GALM: variants seen among roughly 807,000 people sequenced by gnomAD.
GALM encodes galactose mutarotase, also known as aldose 1-epimerase.
A neutral mutation model predicts 37.4 loss-of-function variants in GALM; 43 were observed. The ratio of observed to expected loss-of-function variants is 1.15; its 90% CI spans 0.90 to 1.48. The LOEUF (loss-of-function observed/expected upper bound fraction) is 1.48, where lower values mean the gene tolerates loss of function less well. Ranked by LOEUF, GALM falls within the 40% of genes most tolerant of loss-of-function variation. The probability of loss-of-function intolerance (pLI) is 0.00; values close to 1 mark genes in which losing one functional copy is unlikely to be tolerated. For synonymous variants in GALM, 199 were observed against 170.6 expected (o/e 1.17, Z -1.30); for missense variants, 456 against 419.1 (o/e 1.09, Z -0.77).
rs761574253 is a variant in GALM at position 38,681,417 on chromosome 2, C to A, written c.483C>A (p.Tyr161Ter). Reference protein sequence around the residue: ...TLDGGELIVNYRAQASQATPV... With the variant: ...TLDGGELIVN ...ATGGCGGAGAGCTCATAGTCAACTA[C>A]AGAGCACAAGCCAGTCAGGCCACAC... Residue 161 changes from tyrosine to a stop codon, truncating the protein, a stop_gained, in exon 3 of 7, where the codon TAC becomes TAA. Transcript: ENST00000272252. LOFTEE classifies it high-confidence loss of function. The A allele has an allele frequency of 3.7e-6, 6 of 1,614,162 alleles. No homozygotes were observed. The highest frequency in any genetic ancestry group is 5.1e-6 in the Non-Finnish European group (6 of 1,179,996).
intron 4 of GALM, among the ~76,000 whole-genome samples, chr2:38,691,206 A>G (rs370537888): frequency 6.6e-6 from 1 of 152,348 alleles, no homozygotes; most frequent in Admixed American, 6.5e-5. Context: ...GTGCATATTT[A>G]TTTGTGTATA....
chr2:38,729,529 C>G, intron 4 of GALM, 27 bp from the exon 5 acceptor site: 1 of 1,608,452 alleles, frequency 6.2e-7, no homozygotes, highest in Middle Eastern at 1.7e-4. Flanking sequence ...GCATTTATCA[C>G]CTTTGTTTTC....
intron 3 of GALM, among the ~76,000 whole-genome samples, chr2:38,688,301 C>T (rs1174260846): frequency 6.6e-6 from 1 of 151,968 alleles, no homozygotes; most frequent in African/African-American, 2.4e-5. Flanking sequence ...CACCTGAGGT[C>T]GCGAGTTCGA....
In GALM at chr2:38,733,496, C is replaced by G. The variant is rs748420770; in HGVS notation, c.960C>G (p.Phe320Leu). The change falls in exon 7 of 7, where the codon TTC becomes TTG. Residue 320 changes from phenylalanine (F) to leucine (L), a missense_variant. By Grantham distance (22) the Phe-to-Leu change is conservative. Transcript: ENST00000272252. ...TTGTTTCCCCTTCACAGCCCCGCTT[C>G]CCTCCTGTGCTGCTGAGGCCTGGTG... ...NWPDAVNQPR[F>L]PPVLLRPGEE... 3.7e-6 allele frequency: 6 copies of G among 1,613,764 alleles called. No homozygotes were observed. The Admixed American group carries it at 8.3e-5, about 22-fold the overall frequency.
At chr2:38,715,963 T>TGGA (rs1173928917) in intron 4 of GALM, among the ~76,000 whole-genome samples, 1 of 152,214 alleles carries the variant, frequency 6.6e-6, no homozygotes, top group Non-Finnish European at 1.5e-5. Flanking sequence ...TCCACAAATT[T>TGGA]ATACAGCAAA....
At chr2:38,670,024 G>A (rs572576538) in intron 1 of GALM, among the ~76,000 whole-genome samples, 75 of 151,442 alleles carry the variant, frequency 5.0e-4, no homozygotes, top group Non-Finnish European at 6.9e-4. Flanking sequence ...CACCACACCC[G>A]GCTAATTTTT....
At chr2:38,717,304 G>T (rs1310409295) in intron 4 of GALM, among the ~76,000 whole-genome samples, 1 of 107,826 alleles carries the variant, frequency 9.3e-6, no homozygotes, top group African/African-American at 4.1e-5. Context: ...CTGTATTAAG[G>T]GAGTGTGTGT....
intron 4 of GALM, among the ~76,000 whole-genome samples, chr2:38,719,730 C>G (rs1666338491): frequency 6.7e-6 from 1 of 150,232 alleles, no homozygotes; most frequent in South Asian, 2.2e-4. Context: ...GCCGAGATCA[C>G]GCCATTGCAC....
intron 1 of GALM, among the ~76,000 whole-genome samples, chr2:38,670,566 C>A (rs894330586): frequency 6.6e-6 from 1 of 152,160 alleles, no homozygotes; most frequent in African/African-American, 2.4e-5. Context: ...ACTCTCCAGA[C>A]CTATTTTCTC....
At chr2:38,671,172 A>C (rs1665089736) in intron 1 of GALM, among the ~76,000 whole-genome samples, 1 of 152,246 alleles carries the variant, frequency 6.6e-6, no homozygotes, top group Non-Finnish European at 1.5e-5. Context: ...GAACATTTTC[A>C]TGAAAAATAG....
intron 4 of GALM, among the ~76,000 whole-genome samples, chr2:38,710,859 T>C (rs1346103989): frequency 6.6e-6 from 1 of 151,548 alleles, no homozygotes; most frequent in African/African-American, 2.4e-5. Flanking sequence ...GTTCAAGCGA[T>C]TCTCCTGCCT....
chr2:38,687,668 G>A (rs138253206), intron 3 of GALM, among the ~76,000 whole-genome samples: 156 of 150,626 alleles, frequency 1.0e-3, no homozygotes, highest in Admixed American at 3.4e-3. Flanking sequence ...CCAAGATTGC[G>A]CCACTGCACT....
intron 4 of GALM, among the ~76,000 whole-genome samples, chr2:38,690,795 A>C (rs1665656186): frequency 1.3e-5 from 2 of 152,182 alleles, no homozygotes; most frequent in Non-Finnish European, 2.9e-5. Context: ...TGAGGAAGAA[A>C]GGTAAGCATG....
chr2:38,670,578 C>T (rs1446530601), intron 1 of GALM, among the ~76,000 whole-genome samples: 1 of 152,144 alleles, frequency 6.6e-6, no homozygotes, highest in Non-Finnish European at 1.5e-5. Flanking sequence ...TATTTTCTCA[C>T]GTGAAACAAA....
intron 3 of GALM, 128 bp downstream of exon 3, chr2:38,681,614 C>T: frequency 1.4e-6 from 1 of 727,490 alleles, no homozygotes; most frequent in Admixed American, 2.2e-5. Context: ...GAAAAGGGCC[C>T]AGCAGAGGGC....
At chr2:38,686,427 A>G (rs181408093) in intron 3 of GALM, among the ~76,000 whole-genome samples, 3,379 of 151,418 alleles carry the variant, frequency 0.022, 136 homozygotes, top group African/African-American at 0.076. Context: ...CACCATGCCC[A>G]GCTACTTTTT....
At chr2:38,724,582 T>C (rs1666448351) in intron 4 of GALM, among the ~76,000 whole-genome samples, 1 of 152,196 alleles carries the variant, frequency 6.6e-6, no homozygotes, top group African/African-American at 2.4e-5. Context: ...ACCAAGTGTG[T>C]CAGTGCATGA....
intron 4 of GALM, among the ~76,000 whole-genome samples, chr2:38,706,119 C>G (rs1388313740): frequency 6.6e-6 from 1 of 152,006 alleles, no homozygotes; most frequent in Non-Finnish European, 1.5e-5. Flanking sequence ...GATTCTCCTG[C>G]TTTACCTCCC....
chr2:38,678,940 C>A (rs1481890153), intron 2 of GALM, among the ~76,000 whole-genome samples: 1 of 152,200 alleles, frequency 6.6e-6, no homozygotes, highest in African/African-American at 2.4e-5. Flanking sequence ...GACAGCCAGT[C>A]CTGAGTTTGA....
Sources: gnomAD v4.1 joint callset for allele counts (sites outside exome capture counted in the v4.1 genomes callset) on GRCh38, gnomAD v4.1.1 for gene constraint, MANE v1.5 for transcripts, NCBI Gene and HGNC (gene_info 2026-07-23, HGNC 2026-07-21) for gene names.